The following LOC400499 variants were observed in gnomAD, a reference collection of about 807,000 sequenced individuals.
the LOC400499 span, among the ~76,000 whole-genome samples, chr16:11,515,391 G>T: frequency 6.6e-6 from 1 of 151,962 alleles, no homozygotes; most frequent in Non-Finnish European, 1.5e-5. Context: ...AGGAGTTGAA[G>T]GCTGCACTGA....
chr16:11,405,667 C>G, the LOC400499 span, among the ~76,000 whole-genome samples: 2 of 152,168 alleles, frequency 1.3e-5, no homozygotes, highest in Non-Finnish European at 2.9e-5. Flanking sequence ...TAAAACCTAT[C>G]ACTACTGCCC....
chr16:11,495,382 TC>T, the LOC400499 span, among the ~76,000 whole-genome samples: 1 of 142,878 alleles, frequency 7.0e-6, no homozygotes, highest in Admixed American at 6.9e-5. Flanking sequence ...GACCAACAAA[TC>T]TTTTTTTTTT....
the LOC400499 span, chr16:11,380,749 C>A: frequency 6.6e-6 from 1 of 152,114 alleles, no homozygotes; most frequent in Non-Finnish European, 1.5e-5. Context: ...CTGCAGATAC[C>A]ATTCCATTGT....
At chr16:11,379,902 A>G in the LOC400499 span, among the ~76,000 whole-genome samples, 1 of 152,200 alleles carries the variant, frequency 6.6e-6, no homozygotes, top group Non-Finnish European at 1.5e-5. Flanking sequence ...GTTCAATCAC[A>G]TACAAATACC....
At chr16:11,512,720 C>T in the LOC400499 span, among the ~76,000 whole-genome samples, 50 of 152,150 alleles carry the variant, frequency 3.3e-4, no homozygotes, top group Non-Finnish European at 2.9e-5. Context: ...TATGTGAATT[C>T]TCTCTTAATA....
chr16:11,446,847 C>A, the LOC400499 span: 1 of 1,536,110 alleles, frequency 6.5e-7, no homozygotes, highest in Non-Finnish European at 8.7e-7. Flanking sequence ...GCTGGTGTCG[C>A]CTATCAGCTG....
the LOC400499 span, among the ~76,000 whole-genome samples, chr16:11,427,415 T>A: frequency 6.9e-6 from 1 of 144,256 alleles, no homozygotes; most frequent in Admixed American, 6.9e-5. Flanking sequence ...AAATGCAAAT[T>A]AAAGCCACAA....
At chr16:11,462,091 G>A in the LOC400499 span, 17 of 1,454,958 alleles carry the variant, frequency 1.2e-5, no homozygotes, top group Non-Finnish European at 1.5e-5. Flanking sequence ...CAGAGCAGAG[G>A]GGACAGAAGG....
chr16:11,479,304 T>C, the LOC400499 span, among the ~76,000 whole-genome samples: 1 of 152,052 alleles, frequency 6.6e-6, no homozygotes, highest in African/African-American at 2.4e-5. Context: ...TTTAGGATAA[T>C]TTTAGATTTA....
the LOC400499 span, chr16:11,502,218 T>C: frequency 2.5e-6 from 1 of 398,882 alleles, no homozygotes; most frequent in South Asian, 1.3e-4. Context: ...CACCCAGCAG[T>C]GCGGGGGATC....
At chr16:11,505,072 G>C in the LOC400499 span, among the ~76,000 whole-genome samples, 1 of 151,656 alleles carries the variant, frequency 6.6e-6, no homozygotes, top group Non-Finnish European at 1.5e-5. Context: ...CTACTCAGTA[G>C]CAGAGCAGAC....
At chr16:11,413,532 G>A in the LOC400499 span, among the ~76,000 whole-genome samples, 1 of 152,198 alleles carries the variant, frequency 6.6e-6, no homozygotes, top group Non-Finnish European at 1.5e-5. Context: ...ACAGTGGTCA[G>A]GGCATGGCCC....
chr16:11,496,926 G>C, the LOC400499 span, among the ~76,000 whole-genome samples: 1 of 99,358 alleles, frequency 1.0e-5, no homozygotes, highest in East Asian at 2.4e-4. Context: ...GTGTGTGTGT[G>C]TGTGTGTCTT....
the LOC400499 span, among the ~76,000 whole-genome samples, chr16:11,514,899 A>G: frequency 6.6e-6 from 1 of 152,180 alleles, no homozygotes; most frequent in Non-Finnish European, 1.5e-5. Context: ...GACTTTTGAT[A>G]GTAAGTGAAC....
the LOC400499 span, among the ~76,000 whole-genome samples, chr16:11,473,370 A>C: frequency 6.6e-6 from 1 of 151,874 alleles, no homozygotes; most frequent in African/African-American, 2.4e-5. Flanking sequence ...AAAAAATTTC[A>C]AGATCTCCTA....
At chr16:11,469,705 C>T in the LOC400499 span, 4 of 399,002 alleles carry the variant, frequency 1.0e-5, no homozygotes, top group East Asian at 3.6e-5. Flanking sequence ...AGAGCCTCCA[C>T]CTGTACCCTT....
the LOC400499 span, chr16:11,440,740 T>A: frequency 2.5e-6 from 1 of 399,088 alleles, no homozygotes; most frequent in Non-Finnish European, 4.4e-6. Flanking sequence ...TGTGACGTTG[T>A]GATTGACGGC....
chr16:11,459,770 C>G, the LOC400499 span: 6 of 1,009,228 alleles, frequency 5.9e-6, no homozygotes, highest in South Asian at 2.4e-4. Flanking sequence ...GGGAAAGTCA[C>G]CAAGGCTAAG....
At chr16:11,514,950 T>C in the LOC400499 span, among the ~76,000 whole-genome samples, 5 of 152,024 alleles carry the variant, frequency 3.3e-5, no homozygotes, top group Admixed American at 2.6e-4. Context: ...AGATGTTTGG[T>C]ATTTACAAAG....
Sources: gnomAD v4.1 joint callset for allele counts (sites outside exome capture counted in the v4.1 genomes callset) on GRCh38, gnomAD v4.1.1 for gene constraint, MANE v1.5 for transcripts.